INSYN2B: variants seen among roughly 807,000 people sequenced by gnomAD.
The protein encoded by INSYN2B is inhibitory synaptic factor family member 2B.
A neutral mutation model predicts 41.2 loss-of-function variants in INSYN2B; 16 were observed. The observed-to-expected ratio is 0.39, with a 90% CI of 0.26 to 0.59. The LOEUF (loss-of-function observed/expected upper bound fraction) is 0.59. Among genes scored for constraint, INSYN2B ranks in the 20% least tolerant of loss-of-function variants. The probability of loss-of-function intolerance (pLI) is 0.57; values close to 1 mark genes in which losing one functional copy is unlikely to be tolerated. For synonymous variants in INSYN2B, 245 were observed against 244.4 expected, an observed-to-expected ratio of 1.00 and a Z score of -0.02; for missense variants, 608 against 646.4, an observed-to-expected ratio of 0.94 and a Z score of 0.64.
intron 1 of INSYN2B, among the ~76,000 whole-genome samples, chr5:169,971,603 G>A (rs1777512376): frequency 6.6e-6 from 1 of 152,134 alleles, no homozygotes; most frequent in South Asian, 2.1e-4. Context: ...GCCAGAGTGT[G>A]ATGATTCTGC....
At chr5:169,973,797 G>A (rs1389552476) in intron 1 of INSYN2B, among the ~76,000 whole-genome samples, 1 of 152,176 alleles carries the variant, frequency 6.6e-6, no homozygotes, top group African/African-American at 2.4e-5. Flanking sequence ...ATGTAACTGT[G>A]TAACTTTACC....
At position 169,883,449 on chromosome 5, in the gene INSYN2B, G is replaced by A. The variant is rs769641944; in HGVS notation, c.450C>T (p.Tyr150=). 4.3e-5 allele frequency: 66 copies of A among 1,551,578 alleles called. No individual in the cohort carries two copies. The highest frequency in any genetic ancestry group is 5.6e-5 in the Non-Finnish European group (64 of 1,146,976). ...CCTCAAGATGCTGAGCCAACCTTAA[G>A]TAGGCAAGGTCAGAAGACACAATGT... The part of the protein sequence containing the change: ...EQDIVSSDLA[Y]LRLAQHLEDG... Residue 150 remains tyrosine, a synonymous_variant, in exon 2 of 4, where the codon TAC becomes TAT. Coordinates refer to ENST00000377365, the MANE Select transcript of INSYN2B (RefSeq NM_001129891.3).
intron 1 of INSYN2B, among the ~76,000 whole-genome samples, chr5:169,925,538 C>T (rs1489799875): frequency 7.0e-6 from 1 of 143,738 alleles, no homozygotes; most frequent in Non-Finnish European, 1.5e-5. Context: ...TAAGATCAGG[C>T]CACTGAACTC....
In INSYN2B at chr5:169,883,794, C is replaced by A. The variant is rs748782785; in HGVS notation, c.105G>T (p.Gln35His). The A allele has an allele frequency of 1.9e-6, 3 of 1,551,470 alleles. No individual in the cohort carries two copies. Among genetic ancestry groups the A allele is most frequent in the Non-Finnish European group, 2.6e-6 (3 of 1,146,922 alleles). The change falls in exon 2 of 4, where the codon CAG becomes CAT. Residue 35 changes from glutamine (Q) to histidine (H), a missense_variant. Gln to His is a conservative substitution (Grantham distance 24). Transcript: ENST00000377365. Reference protein sequence around the residue: ...KQPHHRRSKSQQVRFKEDGTT... With the variant: ...KQPHHRRSKSHQVRFKEDGTT... ...TCCCATCTTCCTTGAATCTCACCTGCTGGGATTTGCTCCTGCGGTGGTGAG... is the reference window on the plus strand; with the variant it reads ...TCCCATCTTCCTTGAATCTCACCTGATGGGATTTGCTCCTGCGGTGGTGAG...
At chr5:169,967,847 C>T (rs1391414071) in intron 1 of INSYN2B, among the ~76,000 whole-genome samples, 1 of 152,100 alleles carries the variant, frequency 6.6e-6, no homozygotes, top group Non-Finnish European at 1.5e-5. Flanking sequence ...ATTTCTAAAT[C>T]CCCATGGCTT....
chr5:169,882,497 G>T (rs1772713458), intron 2 of INSYN2B, 56 bp downstream of exon 2: 7 of 1,417,656 alleles, frequency 4.9e-6, no homozygotes, highest in Non-Finnish European at 6.6e-6. Context: ...CTCTGCCCCT[G>T]TGTTGGCAAA....
At chr5:169,962,896 C>A (rs1413388423) in intron 1 of INSYN2B, among the ~76,000 whole-genome samples, 2 of 152,080 alleles carry the variant, frequency 1.3e-5, no homozygotes, top group Admixed American at 1.3e-4. Context: ...CCTTAGCTCC[C>A]CTGTCCCTGC....
At chr5:169,915,470 T>C (rs550923412) in intron 1 of INSYN2B, among the ~76,000 whole-genome samples, 17 of 152,122 alleles carry the variant, frequency 1.1e-4, no homozygotes, top group African/African-American at 4.1e-4. Context: ...ATGTAACTAA[T>C]ATATTGAATC....
At chr5:169,968,645 G>A (rs944453294) in intron 1 of INSYN2B, among the ~76,000 whole-genome samples, 5 of 152,202 alleles carry the variant, frequency 3.3e-5, no homozygotes, top group African/African-American at 1.2e-4. Context: ...CAACTGCAGA[G>A]AGACTGAGTC....
chr5:169,881,399 T>C lies in INSYN2B; in HGVS notation c.1390A>G (p.Thr464Ala). 6.4e-7 allele frequency: 1 copy of C among 1,551,538 alleles called. No individual in the cohort carries two copies. The highest frequency in any genetic ancestry group is 1.7e-4 in the Middle Eastern group (1 of 5,988). The change falls in exon 3 of 4, where the codon ACC becomes GCC. Residue 464 changes from threonine to alanine, a missense_variant. Thr to Ala is a moderately conservative substitution (Grantham distance 58, BLOSUM62 0). Coordinates refer to ENST00000377365, the MANE Select transcript of INSYN2B (RefSeq NM_001129891.3). The stretch of plus-strand genomic sequence containing the variant: ...ATGATGCACGCCGTGTTCTGGCAGG[T>C]ACTGCAATTGTTGAGATCTTGGCCA... ...RTGQDLNNCS[T>A]CQNTACIIYS...
intron 1 of INSYN2B, among the ~76,000 whole-genome samples, chr5:169,909,609 A>G (rs1043436551): frequency 3.3e-5 from 5 of 152,186 alleles, no homozygotes; most frequent in African/African-American, 9.7e-5. Context: ...TAGTTACTTG[A>G]CCAACATACA....
chr5:169,951,748 G>T (rs1776676451), intron 1 of INSYN2B, among the ~76,000 whole-genome samples: 1 of 152,154 alleles, frequency 6.6e-6, no homozygotes, highest in Non-Finnish European at 1.5e-5. Flanking sequence ...CTCAAGTTTT[G>T]ACTTATATTA....
At chr5:169,903,040 G>A (rs1374349332) in intron 1 of INSYN2B, among the ~76,000 whole-genome samples, 1 of 152,028 alleles carries the variant, frequency 6.6e-6, no homozygotes, top group African/African-American at 2.4e-5. Context: ...GGAGGTTGCA[G>A]TGAGCTGAGA....
At position 169,896,778 on chromosome 5, in the gene INSYN2B, C is replaced by T. The variant is rs991274331; in HGVS notation, c.-918-11962G>A. Among the ~76,000 whole-genome samples, 5 of 152,266 alleles carry T rather than the reference C, an allele frequency of 3.3e-5. No homozygotes were observed. In the East Asian group the frequency reaches 9.6e-4, roughly 29 times the overall value. ...TATGATATAGTCCCTACCCGCTGCTCACAGTGGGTGTGGGAGTCGATTGAT... is the reference window on the plus strand; with the variant it reads ...TATGATATAGTCCCTACCCGCTGCTTACAGTGGGTGTGGGAGTCGATTGAT... On this transcript the variant is annotated intron_variant, in intron 1 of 3. Transcript: ENST00000377365.
chr5:169,891,122 T>C (rs1773255951), intron 1 of INSYN2B, among the ~76,000 whole-genome samples: 2 of 152,130 alleles, frequency 1.3e-5, no homozygotes, highest in South Asian at 4.1e-4. Context: ...TGTGACATGG[T>C]CCCTGGCCCT....
intron 3 of INSYN2B, 116 bp downstream of exon 3, chr5:169,881,252 G>A (rs913952222): frequency 8.5e-6 from 7 of 821,884 alleles, no homozygotes; most frequent in Non-Finnish European, 1.4e-5. Context: ...ACATTTCATA[G>A]TTAAATACCT....
intron 1 of INSYN2B, among the ~76,000 whole-genome samples, chr5:169,932,855 C>T (rs1007280502): frequency 4.3e-4 from 64 of 150,302 alleles, no homozygotes; most frequent in African/African-American, 1.5e-3. Context: ...CATAATTTCC[C>T]AGGGCCAAAT....
intron 1 of INSYN2B, among the ~76,000 whole-genome samples, chr5:169,906,003 A>T (rs1333203789): frequency 2.6e-5 from 4 of 152,152 alleles, no homozygotes; most frequent in East Asian, 3.8e-4. Context: ...TTTCTCTTAC[A>T]CAAGGTTTAA....
chr5:169,968,966 T>C (rs1374746402), intron 1 of INSYN2B, among the ~76,000 whole-genome samples: 1 of 152,130 alleles, frequency 6.6e-6, no homozygotes, highest in African/African-American at 2.4e-5. Flanking sequence ...CTGGATAACA[T>C]GGTGATACCA....
Sources: allele counts gnomAD v4.1 joint callset (sites outside exome capture counted in the v4.1 genomes callset), GRCh38; gene constraint gnomAD v4.1.1; transcripts MANE v1.5; gene names NCBI Gene and HGNC (gene_info 2026-07-23, HGNC 2026-07-21).